The following NEDD9 variants were observed in gnomAD, a reference collection of about 807,000 sequenced individuals.
NEDD9 encodes the protein enhancer of filamentation 1.
Under a neutral mutation model 76.6 loss-of-function variants are expected in NEDD9, and 26 were observed. The observed-to-expected ratio is 0.34, with a 90% CI of 0.25 to 0.47. The LOEUF is 0.47. Ranked by LOEUF, NEDD9 falls within the 20% of genes least tolerant of loss-of-function variation. The pLI is 1.00. For missense variants in NEDD9, 937 were observed against 1,058.5 expected (o/e 0.89, Z 1.59); for synonymous variants, 392 against 414.2 (o/e 0.95, Z 0.65).
intron 1 of NEDD9, among the ~76,000 whole-genome samples, chr6:11,378,308 A>G (rs4713474): frequency 0.18 from 27,700 of 152,124 alleles, 2,562 homozygotes; most frequent in Middle Eastern, 0.24. Flanking sequence ...CACTCTTGCC[A>G]TGTGATGCTG....
chr6:11,256,298 T>C (rs1003503886), intron 3 of NEDD9, among the ~76,000 whole-genome samples: 5 of 152,142 alleles, frequency 3.3e-5, no homozygotes, highest in Admixed American at 6.5e-5. Context: ...CCTTCTCCCA[T>C]TGGTTCCTCT....
intron 1 of NEDD9, 115 bp downstream of exon 1, chr6:11,232,389 T>G: frequency 7.4e-7 from 1 of 1,352,904 alleles, no homozygotes; most frequent in South Asian, 1.2e-5. Context: ...GAGACTCATC[T>G]TAGAACTCTC....
At chr6:11,261,236 G>T (rs1460633149) in intron 3 of NEDD9, among the ~76,000 whole-genome samples, 1 of 152,176 alleles carries the variant, frequency 6.6e-6, no homozygotes, top group Non-Finnish European at 1.5e-5. Flanking sequence ...TTCACATTCA[G>T]TGTCTCAGGT....
In NEDD9 at chr6:11,190,943, G is replaced by A; in HGVS notation, c.926C>T (p.Ser309Leu). The A allele has an allele frequency of 6.2e-7, 1 of 1,614,126 alleles. No homozygotes were observed. The highest frequency in any genetic ancestry group is 8.5e-7 in the Non-Finnish European group (1 of 1,180,030). ...ATATGCGTCGTTCTGAGAGCCCACTGACTGTCCGAGTTGCGGGGGTGGGTG... is the reference window on the plus strand; with the variant it reads ...ATATGCGTCGTTCTGAGAGCCCACTAACTGTCCGAGTTGCGGGGGTGGGTG... ...PNHPPPQLGQ[S>L]VGSQNDAYDV... The change falls in exon 5 of 7, where the codon TCA (serine) becomes TTA (leucine). Residue 309 changes from serine (S) to leucine (L), a missense_variant. Coordinates refer to ENST00000379446, the MANE Select transcript of NEDD9 (RefSeq NM_006403.4). This position sits in a 1 kb window ranked among gnomAD's most constrained non-coding sequence, Gnocchi z 5.8.
chr6:11,281,873 G>C (rs969055593), intron 3 of NEDD9, among the ~76,000 whole-genome samples: 1 of 152,038 alleles, frequency 6.6e-6, no homozygotes, highest in South Asian at 2.1e-4. Flanking sequence ...TCAGCATCCT[G>C]GGTAGCTGGG....
chr6:11,324,291 A>T lies in NEDD9; in HGVS notation c.-153+10210T>A, dbSNP rs374811462. 1.3e-3 allele frequency among the ~76,000 whole-genome samples: 191 copies of T among 152,068 alleles called. 1 individual carries two copies. Among genetic ancestry groups the T allele is most frequent in the African/African-American group, 4.4e-3 (182 of 41,492 alleles). ...CCTGTCTCCTCTTTCCTGGCATGGC[A>T]TGTGCTCTCGGGCTGTACCTCTGGT... On this transcript the variant is annotated intron_variant, in intron 2 of 3. Coordinates refer to the NEDD9 transcript ENST00000397378.
Position 11,192,421 on chromosome 6 carries a change from G to T in NEDD9, c.587C>A (p.Ala196Glu). The T allele has an allele frequency of 6.2e-7, 1 of 1,610,860 alleles. No individual in the cohort carries two copies. The highest frequency in any genetic ancestry group is 2.2e-5 in the East Asian group (1 of 44,690). Residue 196 changes from alanine to glutamate, a missense_variant, in exon 4 of 7, where the codon GCA (alanine) becomes GAA (glutamate). Transcript: ENST00000379446. ...QGVYDIPPSS[A>E]KGPVFSVPVG... ...TGGAACTGAAAACACAGGGCCTTTTGCTGATGAGGGAGGGATGTCGTATAC... is the reference window on the plus strand; with the variant it reads ...TGGAACTGAAAACACAGGGCCTTTTTCTGATGAGGGAGGGATGTCGTATAC...
intron 2 of NEDD9, among the ~76,000 whole-genome samples, chr6:11,211,571 G>A (rs1224019779): frequency 1.3e-5 from 2 of 152,176 alleles, no homozygotes; most frequent in African/African-American, 4.8e-5. Flanking sequence ...CCTTTCAACT[G>A]TTATTTTTCC....
At chr6:11,337,770 CA>C (rs1762193360) in intron 1 of NEDD9, among the ~76,000 whole-genome samples, 1 of 152,168 alleles carries the variant, frequency 6.6e-6, no homozygotes, top group African/African-American at 2.4e-5. Flanking sequence ...GAGGGAAGAG[CA>C]GGGGATCTGA....
At chr6:11,306,117 G>T in exon 3 of NEDD9, 1 of 1,274,318 alleles carries the variant, frequency 7.8e-7, no homozygotes, top group Non-Finnish European at 1.1e-6. Flanking sequence ...TATGATGTTT[G>T]CCAGTGTCTG....
At chr6:11,269,227 A>G (rs1760256692) in intron 3 of NEDD9, among the ~76,000 whole-genome samples, 1 of 152,214 alleles carries the variant, frequency 6.6e-6, no homozygotes, top group Non-Finnish European at 1.5e-5. Flanking sequence ...AGCTGCTGTG[A>G]CAATAAATTT....
chr6:11,197,899 G>A (rs1758328731), intron 2 of NEDD9, among the ~76,000 whole-genome samples: 1 of 152,142 alleles, frequency 6.6e-6, no homozygotes, highest in Admixed American at 6.5e-5. Flanking sequence ...GAGATAGGGA[G>A]GTCTGAGAAC....
In NEDD9 at chr6:11,213,183, A is replaced by G; in HGVS notation, c.459+98T>C. The G allele has an allele frequency of 2.7e-6, 3 of 1,125,706 alleles. No homozygotes were observed. The highest frequency in any genetic ancestry group is 3.8e-6 in the Non-Finnish European group (3 of 796,104). 69.7% of individuals were successfully genotyped at this position (1,125,706 alleles called of 1,614,324 possible). On this transcript the variant is annotated intron_variant, in intron 2 of 6. Transcript: ENST00000379446. This position sits in a 1 kb window ranked among gnomAD's most constrained non-coding sequence, Gnocchi z 5.4. ...GTATTGGTTATATCTACTTCTTGGC[A>G]GCTTCAAGTTATTAATTTGGGAACA...
chr6:11,190,392 C>T lies in NEDD9; in HGVS notation c.1477G>A (p.Glu493Lys), dbSNP rs750650242. ...NKMKRELQRVEDSHQILSQTS... is the reference protein window; with the variant it reads ...NKMKRELQRVKDSHQILSQTS... The stretch of plus-strand genomic sequence containing the variant: ...TGACTCAGGATCTGGTGGGAGTCTT[C>T]AACTCGTTGCAGCTCCCGCTTCATC... The change falls in exon 5 of 7, where the codon GAA becomes AAA. Residue 493 changes from glutamate to lysine, a missense_variant. Physicochemically the swap from Glu to Lys is moderately conservative, Grantham distance 56. Coordinates refer to ENST00000379446, the MANE Select transcript of NEDD9 (RefSeq NM_006403.4). This position sits in a 1 kb window ranked among gnomAD's most constrained non-coding sequence, Gnocchi z 5.8. The T allele has an allele frequency of 1.5e-5, 24 of 1,614,026 alleles. No individual in the cohort carries two copies. The highest frequency in any genetic ancestry group is 1.8e-5 in the Non-Finnish European group (21 of 1,180,032).
chr6:11,305,116 G>A (rs1200246651), intron 3 of NEDD9: 1 of 1,289,166 alleles, frequency 7.8e-7, no homozygotes, highest in Admixed American at 2.3e-5. Context: ...GCTTGATACG[G>A]TGCCCAGAGC....
intron 1 of NEDD9, among the ~76,000 whole-genome samples, chr6:11,345,875 C>A (rs994163891): frequency 4.6e-5 from 7 of 152,246 alleles, no homozygotes; most frequent in African/African-American, 1.4e-4. Flanking sequence ...TACCACCATT[C>A]CCTGGCTCAT....
chr6:11,253,308 G>T (rs1246901723), intron 3 of NEDD9, among the ~76,000 whole-genome samples: 1 of 152,230 alleles, frequency 6.6e-6, no homozygotes, highest in East Asian at 1.9e-4. Context: ...CTCCCCGCTT[G>T]TAGGAATCTG....
chr6:11,211,189 C>T (rs972970239), intron 2 of NEDD9, among the ~76,000 whole-genome samples: 6 of 152,110 alleles, frequency 3.9e-5, no homozygotes, highest in Non-Finnish European at 7.4e-5. Context: ...TGTGAGTGCC[C>T]GAGGGTCACC....
chr6:11,326,164 GA>G (rs1761923216), intron 2 of NEDD9, among the ~76,000 whole-genome samples: 1 of 148,910 alleles, frequency 6.7e-6, no homozygotes, highest in East Asian at 1.9e-4. Flanking sequence ...AAAAAAAAAG[GA>G]AAAACAAAAC....
Sources: allele counts gnomAD v4.1 joint callset (sites outside exome capture counted in the v4.1 genomes callset), GRCh38; gene constraint gnomAD v4.1.1; non-coding constraint Gnocchi (gnomAD v3.1); transcripts MANE v1.5; gene names NCBI Gene and HGNC (gene_info 2026-07-23, HGNC 2026-07-21).